The following GRIA1 variants were observed in gnomAD, a reference collection of about 807,000 sequenced individuals.
GRIA1 encodes glutamate ionotropic receptor AMPA type subunit 1.
In GRIA1, 31 loss-of-function variants were observed where a neutral mutation model predicts 99.2. That is an observed-to-expected ratio of 0.31 (90% CI 0.23 to 0.42). The LOEUF (loss-of-function observed/expected upper bound fraction) is 0.42. Ranked by LOEUF, GRIA1 falls within the 10% of genes least tolerant of loss-of-function variation. The probability of loss-of-function intolerance (pLI) is 1.00; values close to 1 mark genes in which losing one functional copy is unlikely to be tolerated. For missense variants in GRIA1, 782 were observed against 1,157.5 expected, an observed-to-expected ratio of 0.68 and a Z score of 4.71; for synonymous variants, 438 against 432.4, an observed-to-expected ratio of 1.01 and a Z score of -0.16.
At chr5:153,682,396 C>T (rs1450209784) in intron 7 of GRIA1, among the ~76,000 whole-genome samples, 2 of 152,190 alleles carry the variant, frequency 1.3e-5, no homozygotes, top group Admixed American at 6.5e-5. Flanking sequence ...CTTTGCTTGA[C>T]CAAACTTTAG....
At chr5:153,726,382 A>C (rs571984086) in intron 11 of GRIA1, among the ~76,000 whole-genome samples, 253 of 148,432 alleles carry the variant, frequency 1.7e-3, no homozygotes, top group Non-Finnish European at 2.8e-3. Context: ...GCAAGAAATA[A>C]CTAAAATCAG....
chr5:153,737,873 C>T (rs1442700311), intron 11 of GRIA1, among the ~76,000 whole-genome samples: 2 of 152,184 alleles, frequency 1.3e-5, no homozygotes, highest in African/African-American at 2.4e-5. Context: ...CCAGGTACCT[C>T]GCCTCCTCCT....
intron 11 of GRIA1, among the ~76,000 whole-genome samples, chr5:153,723,409 C>A (rs942311106): frequency 6.6e-6 from 1 of 152,184 alleles, no homozygotes; most frequent in Non-Finnish European, 1.5e-5. Flanking sequence ...GTGGGTGCAG[C>A]GCACCATGCA....
intron 7 of GRIA1, among the ~76,000 whole-genome samples, chr5:153,678,729 G>A (rs1470715373): frequency 6.6e-6 from 1 of 152,236 alleles, no homozygotes; most frequent in African/African-American, 2.4e-5. Context: ...ATGACGTCCT[G>A]AAAGGATAGT....
At chr5:153,642,715 G>A (rs1753862874) in intron 2 of GRIA1, among the ~76,000 whole-genome samples, 1 of 151,930 alleles carries the variant, frequency 6.6e-6, no homozygotes, top group Non-Finnish European at 1.5e-5. Context: ...GGCAAATACT[G>A]TGTTTCATCC....
At chr5:153,674,895 T>C (rs1353892687) in intron 6 of GRIA1, among the ~76,000 whole-genome samples, 1 of 151,754 alleles carries the variant, frequency 6.6e-6, no homozygotes, top group African/African-American at 2.4e-5. Context: ...AACTTAGGAG[T>C]CAGCAGTCCC....
At chr5:153,646,142 C>A (rs766749614) in intron 2 of GRIA1, among the ~76,000 whole-genome samples, 1 of 152,186 alleles carries the variant, frequency 6.6e-6, no homozygotes, top group Non-Finnish European at 1.5e-5. Flanking sequence ...TTGGCAACTG[C>A]ATTGGGATTC....
intron 11 of GRIA1, among the ~76,000 whole-genome samples, chr5:153,719,006 C>G (rs550651549): frequency 2.0e-5 from 3 of 152,204 alleles, no homozygotes; most frequent in Non-Finnish European, 2.9e-5. Context: ...GGCAGTGACC[C>G]TTCCCTGCCA....
chr5:153,761,094 C>T (rs966941180), intron 11 of GRIA1, among the ~76,000 whole-genome samples: 6 of 151,946 alleles, frequency 3.9e-5, no homozygotes, highest in African/African-American at 1.2e-4. Flanking sequence ...ACAGGGGAAA[C>T]GTTTCATGAT....
At chr5:153,657,968 T>A (rs73283900) in intron 5 of GRIA1, among the ~76,000 whole-genome samples, 1 of 152,146 alleles carries the variant, frequency 6.6e-6, no homozygotes, top group African/African-American at 2.4e-5. Context: ...TTAACATCCC[T>A]TGACTCCCAG....
chr5:153,546,775 A>G (rs747914645), intron 2 of GRIA1, among the ~76,000 whole-genome samples: 4 of 152,200 alleles, frequency 2.6e-5, no homozygotes, highest in Non-Finnish European at 4.4e-5. Context: ...ATTAGTGGGT[A>G]TGTTAATGTG....
chr5:153,783,331 G>A (rs74568722), intron 13 of GRIA1, among the ~76,000 whole-genome samples: 5,796 of 152,078 alleles, frequency 0.038, 333 homozygotes, highest in African/African-American at 0.13. Flanking sequence ...GTTATCTTTT[G>A]TCAAGCATCT....
intron 2 of GRIA1, among the ~76,000 whole-genome samples, chr5:153,510,839 T>G (rs1389930867): frequency 6.6e-6 from 1 of 152,076 alleles, no homozygotes; most frequent in Non-Finnish European, 1.5e-5. Context: ...CTCTACAGGG[T>G]TCATTTTTAA....
chr5:153,652,739 G>A (rs1754665662), intron 4 of GRIA1, among the ~76,000 whole-genome samples: 1 of 152,192 alleles, frequency 6.6e-6, no homozygotes. Context: ...GGATTTTACA[G>A]ATCACTTGAT....
intron 1 of GRIA1, chr5:153,491,225 G>A: frequency 7.5e-7 from 1 of 1,325,628 alleles, no homozygotes; most frequent in Non-Finnish European, 9.7e-7. Context: ...ATGTGAAATG[G>A]AGGAACCATC....
chr5:153,686,082 G>A, intron 7 of GRIA1, 143 bp from the exon 8 acceptor site: 1 of 669,238 alleles, frequency 1.5e-6, no homozygotes, highest in Non-Finnish European at 2.7e-6. Flanking sequence ...TGGCAAGGGA[G>A]TGAAGAGTTT....
chr5:153,501,885 G>T (rs1277547673), intron 2 of GRIA1, among the ~76,000 whole-genome samples: 1 of 152,210 alleles, frequency 6.6e-6, no homozygotes, highest in African/African-American at 2.4e-5. Flanking sequence ...TGGAGGCAGG[G>T]ATTCATTCAG....
intron 2 of GRIA1, among the ~76,000 whole-genome samples, chr5:153,501,721 G>T (rs1755028835): frequency 6.6e-6 from 1 of 152,168 alleles, no homozygotes; most frequent in African/African-American, 2.4e-5. Context: ...TGGCAGATGG[G>T]CAGGAGGATG....
At chr5:153,559,911 A>G (rs1760975237) in intron 2 of GRIA1, among the ~76,000 whole-genome samples, 1 of 151,728 alleles carries the variant, frequency 6.6e-6, no homozygotes, top group African/African-American at 2.4e-5. Context: ...AACCCCACTC[A>G]CCTATCTGTT....
Sources: gnomAD v4.1 joint callset for allele counts (sites outside exome capture counted in the v4.1 genomes callset) on GRCh38, gnomAD v4.1.1 for gene constraint, MANE v1.5 for transcripts, NCBI Gene and HGNC (gene_info 2026-07-23, HGNC 2026-07-21) for gene names.